Variants in TAF2 observed in about 807,000 individuals in gnomAD.
The protein encoded by TAF2 is transcription initiation factor TFIID subunit 2.
TAF2 carries 61 observed loss-of-function variants against 138.5 expected under a neutral mutation model. The ratio of observed to expected loss-of-function variants is 0.44; its 90% CI spans 0.36 to 0.54. The LOEUF (loss-of-function observed/expected upper bound fraction) is 0.54, where lower values mean the gene tolerates loss of function less well. Among genes scored for constraint, TAF2 ranks in the 20% least tolerant of loss-of-function variants. TAF2 has a pLI of 0.00. For synonymous variants in TAF2, 475 were observed against 469.9 expected (o/e 1.01, Z -0.14); for missense variants, 1,090 against 1,427.9 (o/e 0.76, Z 3.81).
chr8:119,789,297 T>G (rs1823253524), intron 12 of TAF2, among the ~76,000 whole-genome samples: 1 of 152,174 alleles, frequency 6.6e-6, no homozygotes, highest in Non-Finnish European at 1.5e-5. Context: ...GGTAGATTAC[T>G]TACCTATCCT....
At chr8:119,787,639 TGGAA>T (rs1032854860) in intron 14 of TAF2, among the ~76,000 whole-genome samples, 3 of 152,170 alleles carry the variant, frequency 2.0e-5, no homozygotes, top group Non-Finnish European at 2.9e-5. Flanking sequence ...ACACTGTTGG[TGGAA>T]GTGTAAATTA....
chr8:119,814,683 G>A (rs1372292660), intron 3 of TAF2, among the ~76,000 whole-genome samples: 1 of 144,720 alleles, frequency 6.9e-6, no homozygotes, highest in East Asian at 2.1e-4. Flanking sequence ...CACGAGGTCA[G>A]GAGTTCGAGA....
rs1201609908 is a variant in TAF2 at position 119,783,529 on chromosome 8, T to C, written c.1964A>G (p.Tyr655Cys). 1.9e-6 allele frequency: 3 copies of C among 1,614,058 alleles called. No individual in the cohort carries two copies. The highest frequency in any genetic ancestry group is 2.5e-6 in the Non-Finnish European group (3 of 1,180,028). ...CTGCTGTGCAACAACATCTCTCTCA[T>C]AGCGGAGCTGATACTGCCACATAAA... is the stretch of plus-strand genomic sequence containing the variant. ...ADFMWQYQLR[Y>C]ERDVVAQQES... The change falls in exon 16 of 26, where the codon TAT (tyrosine) becomes TGT (cysteine). Residue 655 changes from tyrosine (Y) to cysteine (C), a missense_variant. Tyr to Cys is a radical substitution (Grantham distance 194). This residue lies in a region of TAF2 where 580 missense variants were observed against 719.6 expected (regional missense o/e 0.81). Transcript: ENST00000378164.
chr8:119,801,647 C>T (rs1563900776), intron 6 of TAF2, 147 bp downstream of exon 6: 2 of 746,580 alleles, frequency 2.7e-6, no homozygotes, highest in African/African-American at 1.7e-5. Context: ...CCAGGATGGT[C>T]TCGATCTCCT....
intron 9 of TAF2, 33 bp downstream of exon 9, chr8:119,795,499 T>C: frequency 6.4e-7 from 1 of 1,550,632 alleles, no homozygotes; most frequent in Non-Finnish European, 8.9e-7. Context: ...GACATAAGAC[T>C]TGTAAGTGGA....
chr8:119,765,372 T>C (rs1359253722), intron 18 of TAF2, among the ~76,000 whole-genome samples: 2 of 152,060 alleles, frequency 1.3e-5, no homozygotes, highest in African/African-American at 4.8e-5. Context: ...AATGAAACAA[T>C]GCATCCTATC....
At chr8:119,815,237 G>A (rs573415063) in intron 3 of TAF2, among the ~76,000 whole-genome samples, 18 of 151,564 alleles carry the variant, frequency 1.2e-4, no homozygotes, top group African/African-American at 4.3e-4. Flanking sequence ...ATCAGAGATT[G>A]CACCATTGCA....
At chr8:119,733,117 C>A (rs13261032) in intron 25 of TAF2, among the ~76,000 whole-genome samples, 41,068 of 152,024 alleles carry the variant, frequency 0.27, 6,834 homozygotes, top group Admixed American at 0.46. Context: ...GATCTTGGAA[C>A]TAATCCCCTC....
intron 2 of TAF2, among the ~76,000 whole-genome samples, chr8:119,823,943 T>C (rs1440552779): frequency 1.3e-5 from 2 of 152,218 alleles, no homozygotes; most frequent in East Asian, 1.9e-4. Flanking sequence ...GCATAGAGAC[T>C]GGCAGCATTT....
At chr8:119,745,578 G>A (rs1455152905) in intron 23 of TAF2, among the ~76,000 whole-genome samples, 1 of 152,150 alleles carries the variant, frequency 6.6e-6, no homozygotes, top group Non-Finnish European at 1.5e-5. Context: ...CAAAACACCA[G>A]TAGGGAATTG....
intron 9 of TAF2, among the ~76,000 whole-genome samples, chr8:119,795,041 T>TA (rs575596447): frequency 0.18 from 25,354 of 141,580 alleles, 2,209 homozygotes; most frequent in Middle Eastern, 0.35. Context: ...TTTAAATCGT[T>TA]AAAAAAAAAA....
chr8:119,781,686 A>C (rs1822669308), intron 16 of TAF2, among the ~76,000 whole-genome samples: 2 of 152,176 alleles, frequency 1.3e-5, no homozygotes, highest in Admixed American at 1.3e-4. Flanking sequence ...CCAAAAAAAA[A>C]AATTATTTTT....
At chr8:119,762,658 C>A in intron 18 of TAF2, 50 bp from the exon 19 acceptor site, 3 of 1,457,914 alleles carry the variant, frequency 2.1e-6, no homozygotes, top group South Asian at 2.6e-5. Context: ...CTCTTCTGAT[C>A]AAAATTAACA....
At chr8:119,806,561 C>T (rs1273756852) in intron 3 of TAF2, among the ~76,000 whole-genome samples, 160 bp from the exon 4 acceptor site, 1 of 151,182 alleles carries the variant, frequency 6.6e-6, no homozygotes, top group Non-Finnish European at 1.5e-5. Context: ...CCTCCACCTC[C>T]AGGTTCAAGC....
At chr8:119,788,156 G>A (rs1290403231) in intron 14 of TAF2, among the ~76,000 whole-genome samples, 182 bp downstream of exon 14, 1 of 152,076 alleles carries the variant, frequency 6.6e-6, no homozygotes, top group Non-Finnish European at 1.5e-5. Flanking sequence ...GTTGATGGGT[G>A]CAGCAAACCA....
chr8:119,821,929 G>A (rs4870955), intron 2 of TAF2, among the ~76,000 whole-genome samples: 41,251 of 151,954 alleles, frequency 0.27, 6,864 homozygotes, highest in Admixed American at 0.46. Context: ...TTACTGGGGA[G>A]GCTGAGGTGG....
In TAF2 at chr8:119,785,237, T is replaced by C; in HGVS notation, c.1823A>G (p.Asn608Ser). ...RNKKKKIPLM[N>S]GEEVDMDLSA... is the part of the protein sequence containing the mutation. ...AAGATCCATATCAACTTCTTCTCCA[T>C]TCATCAGTGGGATTTTTTTCTTTTT... Residue 608 changes from asparagine to serine, a missense_variant, in exon 15 of 26, where the codon AAT (asparagine) becomes AGT (serine). Around this residue, in one of 3 missense-constraint regions of TAF2, gnomAD observed 580 missense variants for 719.6 expected, o/e 0.81. Coordinates refer to ENST00000378164, the MANE Select transcript of TAF2 (RefSeq NM_003184.4). The C allele has an allele frequency of 6.2e-7, 1 of 1,612,946 alleles. No individual in the cohort carries two copies. Among genetic ancestry groups the C allele is most frequent in the East Asian group, 2.2e-5 (1 of 44,732 alleles).
intron 25 of TAF2, among the ~76,000 whole-genome samples, chr8:119,741,175 C>CAAA: frequency 6.6e-6 from 1 of 151,534 alleles, no homozygotes; most frequent in Non-Finnish European, 1.5e-5. Flanking sequence ...CTGGTGGGCA[C>CAAA]AAAAAAAAGT....
At chr8:119,824,928 G>A (rs769360893) in intron 2 of TAF2, among the ~76,000 whole-genome samples, 2 of 152,270 alleles carry the variant, frequency 1.3e-5, no homozygotes, top group African/African-American at 4.8e-5. Context: ...TCCTAGGCCA[G>A]TGCAGAAGAG....
Sources: allele counts gnomAD v4.1 joint callset (sites outside exome capture counted in the v4.1 genomes callset), GRCh38; gene constraint gnomAD v4.1.1; regional missense constraint gnomAD v4.1.1; transcripts MANE v1.5; gene names NCBI Gene and HGNC (gene_info 2026-07-23, HGNC 2026-07-21).